ZMIZ1: variants seen among roughly 807,000 people sequenced by gnomAD.
The protein encoded by ZMIZ1 is zinc finger MIZ-type containing 1.
ZMIZ1 carries 17 observed loss-of-function variants against 113.9 expected under a neutral mutation model. The observed-to-expected ratio is 0.15, with a 90% confidence interval of 0.10 to 0.22. The LOEUF (loss-of-function observed/expected upper bound fraction) is 0.22. ZMIZ1 is among the 10% of genes least tolerant of loss of function. The pLI is 1.00. For synonymous variants in ZMIZ1, 607 were observed against 603.1 expected (o/e 1.01, Z -0.09); for missense variants, 1,059 against 1,477.8 (o/e 0.72, Z 4.65).
chr10:79,250,862 A>C (rs1376410803), intron 7 of ZMIZ1, among the ~76,000 whole-genome samples: 1 of 152,086 alleles, frequency 6.6e-6, no homozygotes, highest in Non-Finnish European at 1.5e-5. Flanking sequence ...AGGAGCCAAC[A>C]CACGGCTTCT....
At chr10:79,228,397 G>C (rs1032831220) in intron 7 of ZMIZ1, among the ~76,000 whole-genome samples, 1 of 152,250 alleles carries the variant, frequency 6.6e-6, no homozygotes, top group African/African-American at 2.4e-5. Flanking sequence ...GAGACTGGGG[G>C]AGGAGGGTTG....
At chr10:79,113,686 T>G (rs16936863) in intron 1 of ZMIZ1, among the ~76,000 whole-genome samples, 29,527 of 152,148 alleles carry the variant, frequency 0.19, 3,101 homozygotes, top group East Asian at 0.37. Flanking sequence ...TCGTTGTCTG[T>G]GTGATTTTCT....
intron 8 of ZMIZ1, among the ~76,000 whole-genome samples, chr10:79,284,081 G>A (rs544058765): frequency 3.3e-5 from 5 of 152,318 alleles, no homozygotes; most frequent in South Asian, 2.1e-4. Context: ...CTCCCCCCGC[G>A]TTCCTTTCAT....
At chr10:79,146,247 C>T (rs1203435019) in intron 3 of ZMIZ1, among the ~76,000 whole-genome samples, 1 of 152,182 alleles carries the variant, frequency 6.6e-6, no homozygotes, top group East Asian at 1.9e-4. Context: ...TGGCGTCCTT[C>T]TGTCTTAGTG....
In ZMIZ1 at chr10:79,300,931, G is replaced by A; in HGVS notation, c.2008G>A (p.Ala670Thr). The A allele has an allele frequency of 6.2e-7, 1 of 1,609,926 alleles. No homozygotes were observed. The change falls in exon 17 of 25, where the codon GCC (alanine) becomes ACC (threonine). Residue 670 changes from alanine (A) to threonine (T), a missense_variant. By Grantham distance (58) the Ala-to-Thr change is moderately conservative (BLOSUM62 0). Around this residue, in one of 6 missense-constraint regions of ZMIZ1, gnomAD observed 217 missense variants for 426.9 expected, o/e 0.51. Coordinates refer to ENST00000334512, the MANE Select transcript of ZMIZ1 (RefSeq NM_020338.4). ...GRNTIQITVTACCCSHLFVLQ... is the reference protein window; with the variant it reads ...GRNTIQITVTTCCCSHLFVLQ... ...CAACACCATCCAGATCACCGTCACG[G>A]CCTGCTGCTGCGTGAGTGTGGTGGG...
At chr10:79,272,035 G>A (rs1313764196) in intron 7 of ZMIZ1, among the ~76,000 whole-genome samples, 1 of 152,196 alleles carries the variant, frequency 6.6e-6, no homozygotes, top group Admixed American at 6.5e-5. Flanking sequence ...TTGGGAGGCC[G>A]AGGTGGGTGG....
intron 7 of ZMIZ1, among the ~76,000 whole-genome samples, chr10:79,241,313 G>A (rs891640319): frequency 2.0e-5 from 3 of 152,148 alleles, no homozygotes; most frequent in Admixed American, 6.5e-5. Flanking sequence ...GGAGATGGGC[G>A]AGTCTTCACT....
rs1855408171 is a variant in ZMIZ1 at position 79,314,426 on chromosome 10, C to T, written c.*1677C>T. ...CAGCTGTTGACTTCCAGTCACTGTC[C>T]CAGACGGCACAAGGTTTTCTGTAGG... is the stretch of plus-strand genomic sequence containing the variant. On this transcript the variant is annotated 3_prime_UTR_variant, in exon 25 of 25. Transcript: ENST00000334512. The T allele has an allele frequency of 2.8e-6, 1 of 357,832 alleles. No individual in the cohort carries two copies. The highest frequency in any genetic ancestry group is 3.7e-5 in the Admixed American group (1 of 27,172). 22.2% of individuals were successfully genotyped at this position (357,832 alleles called of 1,614,324 possible). A position where few individuals can be genotyped will look rare whatever the true frequency, so the allele number is the denominator to read the frequency against.
intron 7 of ZMIZ1, among the ~76,000 whole-genome samples, chr10:79,274,229 C>T (rs528632137): frequency 6.6e-6 from 1 of 152,230 alleles, no homozygotes; most frequent in Admixed American, 6.5e-5. Context: ...TCTGCGCACA[C>T]CACACCAGGT....
At chr10:79,161,756 C>T (rs1589359716) in intron 3 of ZMIZ1, among the ~76,000 whole-genome samples, 1 of 152,360 alleles carries the variant, frequency 6.6e-6, no homozygotes. Context: ...ATGCGAAGTG[C>T]CTTTGTCATT....
chr10:79,124,819 G>A (rs1844444977), intron 2 of ZMIZ1, among the ~76,000 whole-genome samples: 1 of 152,220 alleles, frequency 6.6e-6, no homozygotes, highest in Non-Finnish European at 1.5e-5. Flanking sequence ...TGGGGAGGAA[G>A]ATTCATTCAG....
At chr10:79,257,364 G>T (rs1055883231) in intron 7 of ZMIZ1, among the ~76,000 whole-genome samples, 61 of 152,236 alleles carry the variant, frequency 4.0e-4, no homozygotes, top group African/African-American at 1.3e-3. Flanking sequence ...GCCACTGAGG[G>T]CCTCAGTTGT....
intron 2 of ZMIZ1, among the ~76,000 whole-genome samples, chr10:79,125,741 C>T (rs547359689): frequency 6.6e-6 from 1 of 152,350 alleles, no homozygotes; most frequent in South Asian, 2.1e-4. Flanking sequence ...AAACCACAGC[C>T]TCTCTCTCGT....
intron 1 of ZMIZ1, among the ~76,000 whole-genome samples, chr10:79,096,228 AGGCTGGGCACG>A (rs1163692016): frequency 6.6e-6 from 1 of 152,202 alleles, no homozygotes; most frequent in Non-Finnish European, 1.5e-5. Flanking sequence ...TGAGATGTCT[AGGCTGGGCACG>A]GTGGCTCACG....
intron 7 of ZMIZ1, among the ~76,000 whole-genome samples, chr10:79,231,641 C>T (rs1849398400): frequency 6.6e-6 from 1 of 152,084 alleles, no homozygotes; most frequent in Admixed American, 6.6e-5. Flanking sequence ...TGCAGTGGCA[C>T]GATCTTGGCT....
chr10:79,071,164 C>CGCCGGGTGCAGAGCCGCTCCGA (rs1338588737), intron 1 of ZMIZ1, among the ~76,000 whole-genome samples: 3 of 152,206 alleles, frequency 2.0e-5, no homozygotes, highest in Non-Finnish European at 2.9e-5. Flanking sequence ...CCTGGCTCCG[C>CGCCGGGTGCAGAGCCGCTCCGA]GCCGGGTGCA....
chr10:79,164,658 T>A (rs1468374787), intron 4 of ZMIZ1, among the ~76,000 whole-genome samples: 1 of 152,194 alleles, frequency 6.6e-6, no homozygotes, highest in Non-Finnish European at 1.5e-5. Flanking sequence ...TTCAGCATCT[T>A]CCAATTCAAC....
chr10:79,312,942 G>C lies in ZMIZ1; in HGVS notation c.*193G>C. The C allele has an allele frequency of 1.0e-5, 6 of 596,672 alleles. No individual in the cohort carries two copies. The highest frequency in any genetic ancestry group is 1.2e-5 in the Non-Finnish European group (4 of 337,566). 37.0% of individuals were successfully genotyped at this position (596,672 alleles called of 1,614,324 possible). On this transcript the variant is annotated 3_prime_UTR_variant, in exon 25 of 25. Transcript: ENST00000334512. ...GAGGGTGCACCAGTGCACCAGGAAG[G>C]CTGTGTGGGTCTGGAGCCCACGTCC...
intron 11 of ZMIZ1, chr10:79,292,695 TA>T: frequency 2.1e-6 from 1 of 483,236 alleles, no homozygotes; most frequent in Non-Finnish European, 4.0e-6. Flanking sequence ...GCTCAATGTC[TA>T]AAAATAGTCT....
Sources: allele counts gnomAD v4.1 joint callset (sites outside exome capture counted in the v4.1 genomes callset), GRCh38; gene constraint gnomAD v4.1.1; regional missense constraint gnomAD v4.1.1; transcripts MANE v1.5; gene names NCBI Gene and HGNC (gene_info 2026-07-23, HGNC 2026-07-21).